The following AGAP1 variants were observed in gnomAD, a reference collection of about 807,000 sequenced individuals.
AGAP1 encodes arf-GAP with GTPase, ANK repeat and PH domain-containing protein 1.
A neutral mutation model predicts 105.3 loss-of-function variants in AGAP1; 29 were observed. That is an observed-to-expected ratio of 0.28 (90% confidence interval 0.21 to 0.38). The LOEUF (loss-of-function observed/expected upper bound fraction) is 0.38. Ranked by LOEUF, AGAP1 falls within the 10% of genes least tolerant of loss-of-function variation. The pLI, the probability that AGAP1 is intolerant of heterozygous loss-of-function variation, is 1.00. For synonymous variants in AGAP1, 509 were observed against 485.9 expected (o/e 1.05, Z -0.63); for missense variants, 998 against 1,165.1 (o/e 0.86, Z 2.09).
At chr2:235,863,738 G>A (rs771171719) in intron 9 of AGAP1, among the ~76,000 whole-genome samples, 4 of 152,232 alleles carry the variant, frequency 2.6e-5, no homozygotes, top group Non-Finnish European at 5.9e-5. Context: ...GGTGTGAGGC[G>A]GGACACCTGG....
intron 9 of AGAP1, 137 bp downstream of exon 9, chr2:235,807,468 A>C (rs1173928442): frequency 1.5e-6 from 1 of 675,034 alleles, no homozygotes; most frequent in African/African-American, 1.9e-5. Context: ...ACTTGACATC[A>C]ATTAGCAGAG....
chr2:235,979,148 T>G lies in AGAP1; in HGVS notation c.1645+10525T>G, dbSNP rs968175631. ...TTTTTTGTTGTTGTTTTTGTTTTTT[T>G]TTTTTTGGGATATGATCTCACTGTG... On this transcript the variant is annotated intron_variant, in intron 13 of 17. Transcript: ENST00000304032. This position sits in a 1 kb window ranked among gnomAD's most constrained non-coding sequence, Gnocchi z 4.5. Among the ~76,000 whole-genome samples, 4 of 151,786 alleles carry G rather than the reference T, an allele frequency of 2.6e-5. No individual in the cohort carries two copies. Among genetic ancestry groups the G allele is most frequent in the African/African-American group, 9.7e-5 (4 of 41,348 alleles).
rs1952475278 is a variant in AGAP1 at position 235,739,898 on chromosome 2, T to C, written c.311-1065T>C. Among the ~76,000 whole-genome samples, 3 of 152,230 alleles carry C rather than the reference T, an allele frequency of 2.0e-5. No homozygotes were observed. Among genetic ancestry groups the C allele is most frequent in the South Asian group, 2.1e-4 (1 of 4,832 alleles). ...ACGTCGCTCTGGGCGGCAGTGGAGC[T>C]GGCAGGCAGCCTCTGGGCTCTGGCA... On this transcript the variant is annotated intron_variant, in intron 3 of 17. Coordinates refer to ENST00000304032, the MANE Select transcript of AGAP1 (RefSeq NM_001037131.3). This position sits in a 1 kb window ranked among gnomAD's most constrained non-coding sequence, Gnocchi z 5.3.
rs1407463711 is a variant in AGAP1 at position 235,557,462 on chromosome 2, T to C, written c.163+62613T>C. ...TTGATTTGGTAAAAGGCATGAAGTCTGAGTTCATTCCGAAGATTCTGGCTT... is the reference window on the plus strand; with the variant it reads ...TTGATTTGGTAAAAGGCATGAAGTCCGAGTTCATTCCGAAGATTCTGGCTT... On this transcript the variant is annotated intron_variant, in intron 1 of 17. Coordinates refer to ENST00000304032, the MANE Select transcript of AGAP1 (RefSeq NM_001037131.3). The surrounding 1 kb of genome is among the most constrained non-coding windows in gnomAD (Gnocchi z 4.7). 4.6e-5 allele frequency among the ~76,000 whole-genome samples: 7 copies of C among 152,214 alleles called. No individual in the cohort carries two copies. The South Asian group carries it at 1.0e-3, about 23-fold the overall frequency.
rs575903824 is a variant in AGAP1 at position 235,885,452 on chromosome 2, A to G, written c.1155+2003A>G. Reference sequence around the variant, plus strand: ...GTTTATCTCTCTGTCCCCTTGTCCAATTTGCCTAGGATACATTCCTAGCAA... The same window carrying G: ...GTTTATCTCTCTGTCCCCTTGTCCAGTTTGCCTAGGATACATTCCTAGCAA... On this transcript the variant is annotated intron_variant, in intron 10 of 17. Coordinates refer to ENST00000304032, the MANE Select transcript of AGAP1 (RefSeq NM_001037131.3). Among the ~76,000 whole-genome samples the G allele has an allele frequency of 6.6e-5, 10 of 152,278 alleles. No individual in the cohort carries two copies. The South Asian group carries it at 1.9e-3, about 28-fold the overall frequency.
At chr2:235,722,553 A>G (rs1054106284) in intron 3 of AGAP1, among the ~76,000 whole-genome samples, 7 of 152,188 alleles carry the variant, frequency 4.6e-5, no homozygotes, top group African/African-American at 1.7e-4. Context: ...CTCTGTCATC[A>G]CAGTGTTTTC....
intron 1 of AGAP1, among the ~76,000 whole-genome samples, chr2:235,656,042 G>A (rs1002608981): frequency 3.3e-5 from 5 of 152,322 alleles, no homozygotes; most frequent in South Asian, 2.1e-4. Flanking sequence ...TCCATCGCAC[G>A]TTTCTTCCTT....
intron 1 of AGAP1, among the ~76,000 whole-genome samples, chr2:235,680,905 A>G (rs1949030435): frequency 6.6e-6 from 1 of 152,126 alleles, no homozygotes; most frequent in Non-Finnish European, 1.5e-5. Context: ...GTGAACCCAG[A>G]TAAGATGATC....
At chr2:235,560,762 T>G (rs1944122421) in intron 1 of AGAP1, among the ~76,000 whole-genome samples, 1 of 152,334 alleles carries the variant, frequency 6.6e-6, no homozygotes, top group Non-Finnish European at 1.5e-5. Flanking sequence ...ATTGGACTTG[T>G]GACCCTCAGA....
intron 1 of AGAP1, among the ~76,000 whole-genome samples, chr2:235,613,643 A>T (rs1421168742): frequency 6.6e-6 from 1 of 152,240 alleles, no homozygotes; most frequent in Non-Finnish European, 1.5e-5. Flanking sequence ...AGAAATGGTA[A>T]GGAAGAGAAT....
At chr2:235,898,472 T>TCC (rs34001914) in intron 10 of AGAP1, among the ~76,000 whole-genome samples, 6 of 121,356 alleles carry the variant, frequency 4.9e-5, no homozygotes, top group South Asian at 2.9e-4. Context: ...GAGGACAGGT[T>TCC]CCCCCCCCCA....
chr2:235,855,715 A>C lies in AGAP1; in HGVS notation c.1051-27630A>C, dbSNP rs974642773. ...AGCTCCACTGAATTCAAGTCAGAGG[A>C]TATTTGTTTGAATTGGAGACTGGGT... On this transcript the variant is annotated intron_variant, in intron 9 of 17. Transcript: ENST00000304032. This position sits in a 1 kb window ranked among gnomAD's most constrained non-coding sequence, Gnocchi z 5.0. Among the ~76,000 whole-genome samples the C allele has an allele frequency of 1.3e-5, 2 of 152,054 alleles. No homozygotes were observed. The highest frequency in any genetic ancestry group is 4.8e-5 in the African/African-American group (2 of 41,402).
chr2:235,862,730 T>C (rs575988447), intron 9 of AGAP1, among the ~76,000 whole-genome samples: 5 of 152,362 alleles, frequency 3.3e-5, no homozygotes, highest in East Asian at 3.9e-4. Flanking sequence ...CTCTAGTCCA[T>C]GTCTGAATTG....
chr2:235,585,845 T>C (rs752219733), intron 1 of AGAP1, among the ~76,000 whole-genome samples: 1 of 152,168 alleles, frequency 6.6e-6, no homozygotes, highest in Non-Finnish European at 1.5e-5. Flanking sequence ...GGACCCGAAA[T>C]GAAGGCTGTC....
At position 235,737,471 on chromosome 2, in the gene AGAP1, T is replaced by G. The variant is rs1304068543; in HGVS notation, c.311-3492T>G. On this transcript the variant is annotated intron_variant, in intron 3 of 17. Transcript: ENST00000304032. The surrounding 1 kb of genome is among the most constrained non-coding windows in gnomAD (Gnocchi z 4.5). ...GAAAGTTGGGCCTGGAGTCCTTTGC[T>G]TGAGATCACAAAGCCAGAGACTTCA... Among the ~76,000 whole-genome samples the G allele has an allele frequency of 6.6e-6, 1 of 152,174 alleles. No individual in the cohort carries two copies. Among genetic ancestry groups the G allele is most frequent in the Non-Finnish European group, 1.5e-5 (1 of 68,038 alleles).
At chr2:236,054,579 C>G (rs1164162829) in intron 16 of AGAP1, among the ~76,000 whole-genome samples, 1 of 151,832 alleles carries the variant, frequency 6.6e-6, no homozygotes, top group Non-Finnish European at 1.5e-5. Flanking sequence ...TGGGTGGCAT[C>G]TGCTCCCCAC....
chr2:235,600,986 C>CA lies in AGAP1; in HGVS notation c.163+106138dup, dbSNP rs1197899696. Among the ~76,000 whole-genome samples, 1 of 151,878 alleles carries CA rather than the reference C, an allele frequency of 6.6e-6. No individual in the cohort carries two copies. The highest frequency in any genetic ancestry group is 1.5e-5 in the Non-Finnish European group (1 of 68,036). On this transcript the variant is annotated intron_variant, in intron 1 of 17. Coordinates refer to ENST00000304032, the MANE Select transcript of AGAP1 (RefSeq NM_001037131.3). The surrounding 1 kb of genome is among the most constrained non-coding windows in gnomAD (Gnocchi z 4.8). Reference sequence around the variant, plus strand: ...TGCTTGTTGTTCTGGCCCCAGATCTCAGAGTCCTGGTAACGCCTCTCCTCT... The same window carrying CA: ...TGCTTGTTGTTCTGGCCCCAGATCTCAAGAGTCCTGGTAACGCCTCTCCTCT...
At position 235,717,572 on chromosome 2, in the gene AGAP1, T is replaced by G. The variant is rs1469523634; in HGVS notation, c.238T>G (p.Leu80Val). ...PELKVGIVGNLASGKSALVHR... is the reference protein window; with the variant it reads ...PELKVGIVGNVASGKSALVHR... ...TCTGTTTCAGGGAATTGTGGGTAAC[T>G]TGGCCAGCGGCAAGTCTGCCCTGGT... The change falls in exon 3 of 18, where the codon TTG becomes GTG. Residue 80 changes from leucine (L) to valine (V), a missense_variant. This residue lies in a region of AGAP1 where 735 missense variants were observed against 833.4 expected (regional missense o/e 0.88). Transcript: ENST00000304032. 1 of 1,598,688 alleles carries G rather than the reference T, an allele frequency of 6.3e-7. No individual in the cohort carries two copies.
At chr2:235,543,310 G>C (rs1943514525) in intron 1 of AGAP1, among the ~76,000 whole-genome samples, 3 of 152,194 alleles carry the variant, frequency 2.0e-5, no homozygotes, top group Admixed American at 1.3e-4. Context: ...ATGCCTAGTC[G>C]GAAGGTACCC....
Sources: gnomAD v4.1 joint callset for allele counts (sites outside exome capture counted in the v4.1 genomes callset) on GRCh38, gnomAD v4.1.1 for gene constraint, gnomAD v4.1.1 regional missense constraint, Gnocchi (gnomAD v3.1) non-coding constraint, MANE v1.5 for transcripts, NCBI Gene and HGNC (gene_info 2026-07-23, HGNC 2026-07-21) for gene names.